ZNF804A: variants seen among roughly 807,000 people sequenced by gnomAD.
The protein encoded by ZNF804A is zinc finger protein 804A.
Under a neutral mutation model 16.5 loss-of-function variants are expected in ZNF804A, and 2 were observed. That is an observed-to-expected ratio of 0.12 (90% CI 0.05 to 0.38). ZNF804A has a LOEUF of 0.38. ZNF804A is among the 10% of genes least tolerant of loss of function. The pLI is 0.99. For missense variants in ZNF804A, 1,473 were observed against 1,390.7 expected (o/e 1.06, Z -0.94); for synonymous variants, 534 against 489.6 (o/e 1.09, Z -1.20).
chr2:184,613,647 G>A (rs1691274194), intron 1 of ZNF804A, among the ~76,000 whole-genome samples: 1 of 152,124 alleles, frequency 6.6e-6, no homozygotes, highest in African/African-American at 2.4e-5. Flanking sequence ...GCAGTAAGAA[G>A]CTAATATAAG....
chr2:184,827,151 CA>C, intron 1 of ZNF804A, among the ~76,000 whole-genome samples: 1 of 151,660 alleles, frequency 6.6e-6, no homozygotes, highest in African/African-American at 2.4e-5. Flanking sequence ...AAATGGTCAG[CA>C]TATTTAACTA....
At chr2:184,666,048 C>A (rs922886464) in intron 1 of ZNF804A, among the ~76,000 whole-genome samples, 3 of 152,172 alleles carry the variant, frequency 2.0e-5, no homozygotes, top group Non-Finnish European at 4.4e-5. Context: ...GTGCTACTAA[C>A]TGTGGCTATA....
intron 1 of ZNF804A, among the ~76,000 whole-genome samples, chr2:184,854,540 C>A (rs573632027): frequency 6.6e-6 from 1 of 152,064 alleles, no homozygotes; most frequent in Admixed American, 6.6e-5. Context: ...AAAGGACCTA[C>A]AGATTTTTCT....
chr2:184,939,175 G>T lies in ZNF804A; in HGVS notation c.*149G>T. 1 of 915,944 alleles carries T rather than the reference G, an allele frequency of 1.1e-6. No individual in the cohort carries two copies. Among genetic ancestry groups the T allele is most frequent in the Non-Finnish European group, 1.6e-6 (1 of 611,824 alleles). The allele number at this position is 915,944 out of a possible 1,614,324, so 56.7% of individuals were successfully genotyped here. A position where few individuals can be genotyped will look rare whatever the true frequency, so the allele number is the denominator to read the frequency against. On this transcript the variant is annotated 3_prime_UTR_variant, in exon 4 of 4. Transcript: ENST00000302277. ...TGGTTTGAAATCATTTACTGTAAGTGCAATGATGCAAATAAATCCCTAAGT... is the reference window on the plus strand; with the variant it reads ...TGGTTTGAAATCATTTACTGTAAGTTCAATGATGCAAATAAATCCCTAAGT...
intron 1 of ZNF804A, among the ~76,000 whole-genome samples, chr2:184,759,906 C>T (rs915218746): frequency 1.3e-5 from 2 of 152,120 alleles, no homozygotes; most frequent in Admixed American, 6.6e-5. Context: ...ACCTCTATCT[C>T]CCTTTGCTGA....
chr2:184,822,376 A>G (rs1015829421), intron 1 of ZNF804A, among the ~76,000 whole-genome samples: 8 of 152,108 alleles, frequency 5.3e-5, no homozygotes, highest in African/African-American at 1.9e-4. Flanking sequence ...ATCTGGACAC[A>G]TGGTGGGGAA....
At chr2:184,853,540 C>A (rs1259109265) in intron 1 of ZNF804A, among the ~76,000 whole-genome samples, 2 of 151,820 alleles carry the variant, frequency 1.3e-5, no homozygotes, top group Non-Finnish European at 2.9e-5. Flanking sequence ...GTTTGTCATA[C>A]ATGGCCTTCA....
intron 1 of ZNF804A, among the ~76,000 whole-genome samples, chr2:184,761,432 T>G (rs1694035016): frequency 6.6e-6 from 1 of 152,120 alleles, no homozygotes; most frequent in African/African-American, 2.4e-5. Flanking sequence ...TAAGAACTCT[T>G]TTGAGGCATA....
chr2:184,710,642 A>G (rs535002723), intron 1 of ZNF804A, among the ~76,000 whole-genome samples: 9 of 151,886 alleles, frequency 5.9e-5, no homozygotes, highest in African/African-American at 1.9e-4. Context: ...CTGAAACTTT[A>G]TACCCTTTGA....
intron 1 of ZNF804A, among the ~76,000 whole-genome samples, chr2:184,814,647 T>G (rs1158484545): frequency 6.6e-6 from 1 of 152,086 alleles, no homozygotes; most frequent in Non-Finnish European, 1.5e-5. Flanking sequence ...AAGAGCTGCC[T>G]GGGATATAAT....
chr2:184,890,008 T>C (rs1684955431), intron 2 of ZNF804A, among the ~76,000 whole-genome samples: 2 of 152,134 alleles, frequency 1.3e-5, no homozygotes, highest in South Asian at 2.1e-4. Flanking sequence ...TAACTGCTTG[T>C]ATTTTTATAA....
intron 1 of ZNF804A, among the ~76,000 whole-genome samples, chr2:184,644,958 T>C (rs975643081): frequency 4.6e-5 from 7 of 152,080 alleles, no homozygotes; most frequent in African/African-American, 7.2e-5. Flanking sequence ...AGAAGGCTAA[T>C]AGTAAGTTTA....
chr2:184,866,542 AT>A, intron 2 of ZNF804A, 30 bp downstream of exon 2: 1 of 1,584,092 alleles, frequency 6.3e-7, no homozygotes, highest in Non-Finnish European at 8.6e-7. Context: ...AAATTCTGGC[AT>A]TTCTGGACTT....
chr2:184,672,966 C>T (rs978079392), intron 1 of ZNF804A, among the ~76,000 whole-genome samples: 1 of 152,024 alleles, frequency 6.6e-6, no homozygotes, highest in Non-Finnish European at 1.5e-5. Context: ...CCAGGCTGGT[C>T]TTGAACTCCC....
intron 2 of ZNF804A, among the ~76,000 whole-genome samples, chr2:184,871,153 C>T (rs1473530680): frequency 1.3e-5 from 2 of 151,150 alleles, no homozygotes; most frequent in Non-Finnish European, 3.0e-5. Context: ...TGCTGAGTTC[C>T]TATAAAGGAT....
intron 1 of ZNF804A, among the ~76,000 whole-genome samples, chr2:184,695,536 G>A (rs1692818340): frequency 6.9e-6 from 1 of 145,968 alleles, no homozygotes; most frequent in Non-Finnish European, 1.5e-5. Flanking sequence ...GTCTCACTCT[G>A]TTTTGTTCCC....
chr2:184,871,602 T>G (rs376527588), intron 2 of ZNF804A, among the ~76,000 whole-genome samples: 1 of 151,776 alleles, frequency 6.6e-6, no homozygotes, highest in South Asian at 2.1e-4. Flanking sequence ...CAGAATACAA[T>G]ATATATGTAT....
chr2:184,611,312 C>T (rs891425114), intron 1 of ZNF804A, among the ~76,000 whole-genome samples: 3 of 152,060 alleles, frequency 2.0e-5, no homozygotes, highest in Non-Finnish European at 4.4e-5. Context: ...GAACATTGCT[C>T]TTAGCTTACC....
chr2:184,802,811 A>G (rs1694747283), intron 1 of ZNF804A, among the ~76,000 whole-genome samples: 1 of 152,226 alleles, frequency 6.6e-6, no homozygotes, highest in Admixed American at 6.5e-5. Context: ...AATCTTCCAA[A>G]TAAATTACAT....
Sources: gnomAD v4.1 joint callset for allele counts (sites outside exome capture counted in the v4.1 genomes callset) on GRCh38, gnomAD v4.1.1 for gene constraint, MANE v1.5 for transcripts, NCBI Gene and HGNC (gene_info 2026-07-23, HGNC 2026-07-21) for gene names.